The following ME2 variants were observed in gnomAD, a reference collection of about 807,000 sequenced individuals.
The protein encoded by ME2 is malic enzyme 2, also known as NAD-dependent malic enzyme, mitochondrial.
ME2 carries 60 observed loss-of-function variants against 73.7 expected under a neutral mutation model. That is an observed-to-expected ratio of 0.81 (90% confidence interval 0.66 to 1.01). The LOEUF (loss-of-function observed/expected upper bound fraction) is 1.01, where lower values mean the gene tolerates loss of function less well. ME2 is among the 50% of genes least tolerant of loss of function. ME2 has a pLI of 0.00. For missense variants in ME2, 594 were observed against 705.5 expected (o/e 0.84, Z 1.79); for synonymous variants, 199 against 236.9 (o/e 0.84, Z 1.47).
rs766589757 is a variant in ME2 at position 50,895,796 on chromosome 18, T to G, written c.-12-13T>G. 1.9e-6 allele frequency: 3 copies of G among 1,549,952 alleles called. No homozygotes were observed. The highest frequency in any genetic ancestry group is 2.7e-6 in the Non-Finnish European group (3 of 1,124,722). On this transcript the variant is annotated splice_polypyrimidine_tract_variant and intron_variant, in intron 1 of 15. Transcript: ENST00000321341. ...GATTCTCTTCAGTGGTTTATTTGCT[T>G]TGTTTTTCTCAGGTGAAAGAAAAGA...
intron 13 of ME2, among the ~76,000 whole-genome samples, chr18:50,937,601 T>TA (rs781578620): frequency 1.3e-5 from 2 of 151,736 alleles, no homozygotes; most frequent in Non-Finnish European, 2.9e-5. Flanking sequence ...AAAACAAGGA[T>TA]AATGGGAAGA....
At chr18:50,912,140 C>A (rs796183028) in intron 3 of ME2, among the ~76,000 whole-genome samples, 3 of 152,238 alleles carry the variant, frequency 2.0e-5, no homozygotes, top group African/African-American at 7.2e-5. Context: ...GAAACAAGGT[C>A]AGGGGAAAGA....
At chr18:50,886,305 A>G (rs954423476) in intron 1 of ME2, among the ~76,000 whole-genome samples, 3 of 150,024 alleles carry the variant, frequency 2.0e-5, no homozygotes, top group Admixed American at 6.7e-5. Context: ...GTGCAGTGGC[A>G]TGATCTCGGC....
At chr18:50,927,771 T>C (rs1187421919) in intron 12 of ME2, among the ~76,000 whole-genome samples, 1 of 135,392 alleles carries the variant, frequency 7.4e-6, no homozygotes, top group East Asian at 2.2e-4. Context: ...AGTACTGTTA[T>C]ACCTCATAAT....
At chr18:50,912,286 G>A (rs1254461849) in intron 3 of ME2, among the ~76,000 whole-genome samples, 1 of 151,926 alleles carries the variant, frequency 6.6e-6, no homozygotes, top group Non-Finnish European at 1.5e-5. Context: ...TGCCTTTTTT[G>A]TGCTGCTTCT....
intron 7 of ME2, among the ~76,000 whole-genome samples, chr18:50,919,183 TTCTC>T (rs1917362269): frequency 6.6e-6 from 1 of 152,194 alleles, no homozygotes; most frequent in Non-Finnish European, 1.5e-5. Context: ...TTCCTCCAGT[TTCTC>T]TCCTCTCCAG....
In ME2 at chr18:50,952,914, G is replaced by A. The variant is rs1243886074; in HGVS notation, c.*5730G>A. On this transcript the variant is annotated 3_prime_UTR_variant, in exon 16 of 16. Transcript: ENST00000321341. ...CTGTTTACCCTCTGTTTCTGTGCCT[G>A]ATTTACAGACAGAGACAGAGGCACA... 6.6e-6 allele frequency: 1 copy of A among 152,042 alleles called. No individual in the cohort carries two copies. The highest frequency in any genetic ancestry group is 6.6e-5 in the Admixed American group (1 of 15,262). 9.4% of individuals were successfully genotyped at this position (152,042 alleles called of 1,614,324 possible).
At chr18:50,903,667 T>A (rs541422576) in intron 2 of ME2, among the ~76,000 whole-genome samples, 3 of 152,300 alleles carry the variant, frequency 2.0e-5, no homozygotes, top group South Asian at 2.1e-4. Context: ...CTAGCTGGTC[T>A]CAAACTCCTG....
Position 50,917,515 on chromosome 18 carries a change from A to T in ME2, c.630+7A>T. 6.4e-7 allele frequency: 1 copy of T among 1,553,024 alleles called. No homozygotes were observed. The highest frequency in any genetic ancestry group is 1.7e-5 in the Admixed American group (1 of 58,462). On this transcript the variant is annotated splice_region_variant and intron_variant, in intron 6 of 15. Coordinates refer to ENST00000321341, the MANE Select transcript of ME2 (RefSeq NM_002396.5). ...TGTGGGAACTGATAATATCGTGAGT[A>T]ACATCATTTTCCCCCTTTATCTTCC...
At position 50,940,280 on chromosome 18, in the gene ME2, C is replaced by T. The variant is rs200383341; in HGVS notation, c.1489-8C>T. 1.1e-3 allele frequency: 1,707 copies of T among 1,589,676 alleles called. 19 individuals are homozygous for T. In the African/African-American group the frequency reaches 0.021, roughly 20 times the overall value. Reference sequence around the variant, plus strand: ...CAAACAAAAGCAAAATGCTGTTTTTCTCTTCAGGCCCTGACAAGCCAATTG... The same window carrying T: ...CAAACAAAAGCAAAATGCTGTTTTTTTCTTCAGGCCCTGACAAGCCAATTG... On this transcript the variant is annotated splice_polypyrimidine_tract_variant and splice_region_variant and intron_variant, in intron 14 of 15. Coordinates refer to ENST00000321341, the MANE Select transcript of ME2 (RefSeq NM_002396.5).
At chr18:50,889,253 C>T (rs2144185966) in intron 1 of ME2, among the ~76,000 whole-genome samples, 1 of 152,304 alleles carries the variant, frequency 6.6e-6, no homozygotes, top group South Asian at 2.1e-4. Flanking sequence ...TAGGCAGCCT[C>T]AGGGTATGGC....
intron 2 of ME2, among the ~76,000 whole-genome samples, chr18:50,906,082 T>C (rs902816662): frequency 1.3e-5 from 2 of 152,226 alleles, no homozygotes; most frequent in Non-Finnish European, 2.9e-5. Flanking sequence ...TCTCATACTT[T>C]CCTTTAGTTC....
intron 3 of ME2, among the ~76,000 whole-genome samples, chr18:50,911,195 A>G (rs777368554): frequency 6.6e-6 from 1 of 152,166 alleles, no homozygotes; most frequent in Non-Finnish European, 1.5e-5. Flanking sequence ...CCTTAACATT[A>G]CTTCCATCTC....
chr18:50,925,770 GGCC>G lies in ME2; in HGVS notation c.1188_1190del (p.Arg397del). ...ACTTATTACAGGAGTTGCAGGTGCT[GGCC>G]GTCTTTTCACTCCTGATGTAATCAG... is the stretch of plus-strand genomic sequence containing the variant. On this transcript the variant is annotated inframe_deletion, in exon 12 of 16. Transcript: ENST00000321341. 6.2e-7 allele frequency: 1 copy of G among 1,613,836 alleles called. No individual in the cohort carries two copies. Among genetic ancestry groups the G allele is most frequent in the Non-Finnish European group, 8.5e-7 (1 of 1,179,848 alleles).
At chr18:50,895,950 G>T in intron 2 of ME2, 22 bp downstream of exon 2, 2 of 1,453,608 alleles carry the variant, frequency 1.4e-6, no homozygotes, top group Middle Eastern at 1.7e-4. Context: ...TAATATCAAT[G>T]TACATTTTCT....
Position 50,945,495 on chromosome 18 carries a change from T to C in ME2, c.1588-1522T>C, listed in dbSNP as rs981520859. Among the ~76,000 whole-genome samples the C allele has an allele frequency of 3.3e-5, 5 of 152,326 alleles. No homozygotes were observed. In the South Asian group the frequency reaches 8.3e-4, roughly 25 times the overall value. On this transcript the variant is annotated intron_variant, in intron 15 of 15. Coordinates refer to ENST00000321341, the MANE Select transcript of ME2 (RefSeq NM_002396.5). Reference sequence around the variant, plus strand: ...GGATCTAGCCCTTCCCTACTTCTTTTTCCTAGTCAGTGATAATAAAATATT... The same window carrying C: ...GGATCTAGCCCTTCCCTACTTCTTTCTCCTAGTCAGTGATAATAAAATATT...
intron 2 of ME2, among the ~76,000 whole-genome samples, chr18:50,897,384 A>G (rs766772219): frequency 3.9e-5 from 6 of 152,202 alleles, no homozygotes; most frequent in African/African-American, 7.2e-5. Flanking sequence ...GTGTCAAACA[A>G]GTTTGCAGAT....
chr18:50,907,828 T>G (rs1400556235), intron 2 of ME2, among the ~76,000 whole-genome samples: 1 of 152,204 alleles, frequency 6.6e-6, no homozygotes, highest in African/African-American at 2.4e-5. Context: ...AAGAATACTT[T>G]AAAACTGTCT....
chr18:50,904,172 C>T (rs1195040129), intron 2 of ME2, among the ~76,000 whole-genome samples: 2 of 151,962 alleles, frequency 1.3e-5, no homozygotes, highest in African/African-American at 4.8e-5. Flanking sequence ...CACTCTAGCT[C>T]TCTTTTGGTT....
Sources: allele counts gnomAD v4.1 joint callset (sites outside exome capture counted in the v4.1 genomes callset), GRCh38; gene constraint gnomAD v4.1.1; transcripts MANE v1.5; gene names NCBI Gene and HGNC (gene_info 2026-07-23, HGNC 2026-07-21).